The following KIDINS220 variants were observed in gnomAD, a reference collection of about 807,000 sequenced individuals.
KIDINS220 encodes kinase D interacting substrate 220.
Under a neutral mutation model 157.6 loss-of-function variants are expected in KIDINS220, and 63 were observed. The observed-to-expected ratio is 0.40, with a 90% CI of 0.33 to 0.49. The LOEUF (loss-of-function observed/expected upper bound fraction) is 0.49. Among genes scored for constraint, KIDINS220 ranks in the 20% least tolerant of loss-of-function variants. The probability of loss-of-function intolerance (pLI) is 0.66; values close to 1 mark genes in which losing one functional copy is unlikely to be tolerated. For synonymous variants in KIDINS220, 732 were observed against 783.6 expected (o/e 0.93, Z 1.10); for missense variants, 1,772 against 2,171.2 (o/e 0.82, Z 3.65).
At position 8,729,942 on chromosome 2, in the gene KIDINS220, AAG is replaced by A. The variant is rs1663798816; in HGVS notation, c.*776_*777del. 1.0e-6 allele frequency: 1 copy of A among 985,252 alleles called. No homozygotes were observed. The highest frequency in any genetic ancestry group is 6.2e-5 in the Admixed American group (1 of 16,260). 61.0% of individuals were successfully genotyped at this position (985,252 alleles called of 1,614,324 possible). ...CTTAGAAAAGTTGGGCACCATTTAA[AAG>A]AGTTGGAGAACAGACCAGGGTGGCT... On this transcript the variant is annotated 3_prime_UTR_variant, in exon 30 of 30. Transcript: ENST00000256707.
At chr2:8,727,057 G>A, downstream of KIDINS220, 1 of 985,978 alleles carries the variant, frequency 1.0e-6, no homozygotes, top group Non-Finnish European at 1.4e-6. Context: ...TCCAGTGCTG[G>A]CTGTTGTCTA....
In KIDINS220 at chr2:8,795,242, G is replaced by A. The variant is rs574378999; in HGVS notation, c.1099-1255C>T. 2.5e-4 allele frequency among the ~76,000 whole-genome samples: 38 copies of A among 152,230 alleles called. 1 individual carries two copies. The highest frequency in any genetic ancestry group is 2.2e-3 in the Admixed American group (33 of 15,290). ...GATTTCCCAATGTCTACTGGCCACA[G>A]GCTCCTGAATGTCTTATCAGCCCTC... On this transcript the variant is annotated intron_variant, in intron 11 of 29. Transcript: ENST00000256707.
chr2:8,742,832 A>C (rs1482329235), intron 26 of KIDINS220, among the ~76,000 whole-genome samples: 1 of 111,718 alleles, frequency 9.0e-6, no homozygotes, highest in African/African-American at 2.5e-5. Context: ...CGCTGATCAC[A>C]CAAGCATCGG....
rs1186468328 is a variant in KIDINS220 at position 8,729,888 on chromosome 2, GT to G, written c.*831del. The G allele has an allele frequency of 9.2e-6, 9 of 973,862 alleles. No individual in the cohort carries two copies. Among genetic ancestry groups the G allele is most frequent in the East Asian group, 1.1e-4 (1 of 8,754 alleles). The allele number at this position is 973,862 out of a possible 1,614,324, so 60.3% of individuals were successfully genotyped here. ...CTGATTTTCCAGAAAAAGAATTCAT[GT>G]TTTTTTTTCTTCTCATTGCTAAGCT... On this transcript the variant is annotated 3_prime_UTR_variant, in exon 30 of 30. Coordinates refer to ENST00000256707, the MANE Select transcript of KIDINS220 (RefSeq NM_020738.4).
chr2:8,806,282 G>T lies in KIDINS220; in HGVS notation c.592C>A (p.Gln198Lys). ...HLLAMGADVDQEGANSMTALI... is the reference protein window; with the variant it reads ...HLLAMGADVDKEGANSMTALI... ...TATAAGATACTTACAGCTCCTTCTT[G>T]ATCCACATCAGCTCCCATGGCCAAT... The change falls in exon 7 of 30, where the codon CAA becomes AAA. Residue 198 changes from glutamine to lysine, a missense_variant. Around this residue, in one of 3 missense-constraint regions of KIDINS220, gnomAD observed 254 missense variants for 268.6 expected, o/e 0.95. Coordinates refer to ENST00000256707, the MANE Select transcript of KIDINS220 (RefSeq NM_020738.4). The T allele has an allele frequency of 1.2e-6, 2 of 1,602,434 alleles. No individual in the cohort carries two copies. The highest frequency in any genetic ancestry group is 1.7e-6 in the Non-Finnish European group (2 of 1,174,426).
chr2:8,783,211 G>C (rs74171466), intron 17 of KIDINS220, among the ~76,000 whole-genome samples: 1 of 130,466 alleles, frequency 7.7e-6, no homozygotes, highest in African/African-American at 2.6e-5. Flanking sequence ...AAAAAAAAAA[G>C]AAACAGGCTA....
At chr2:8,779,887 G>A (rs1024815714) in intron 17 of KIDINS220, 73 bp from the exon 18 acceptor site, 16 of 1,480,546 alleles carry the variant, frequency 1.1e-5, no homozygotes, top group East Asian at 4.6e-5. Flanking sequence ...CTTAGAAAGC[G>A]TGATAGAAAG....
intron 2 of KIDINS220, 134 bp downstream of exon 2, chr2:8,826,852 G>A (rs922537026): frequency 4.9e-6 from 2 of 411,428 alleles, no homozygotes; most frequent in Non-Finnish European, 8.7e-6. Context: ...TTAACTATAA[G>A]ACATTCTATC....
At chr2:8,725,531 T>C (rs1356359855), downstream of KIDINS220, 1 of 152,156 alleles carries the variant, frequency 6.6e-6, no homozygotes, top group African/African-American at 2.4e-5. Context: ...TACTGAGTAG[T>C]AGGTAGGCCG....
chr2:8,721,353 C>T (rs967133953), downstream of KIDINS220: 2 of 152,064 alleles, frequency 1.3e-5, no homozygotes, highest in East Asian at 1.9e-4. Flanking sequence ...AGTTTAAGGC[C>T]GTGGTCTAAT....
chr2:8,740,409 C>T (rs1032049333), intron 26 of KIDINS220, among the ~76,000 whole-genome samples: 3 of 151,968 alleles, frequency 2.0e-5, no homozygotes, highest in African/African-American at 7.3e-5. Context: ...GGTCATCTTA[C>T]AATTATACTC....
chr2:8,736,877 C>T lies in KIDINS220; in HGVS notation c.3708G>A (p.Thr1236=), dbSNP rs766058477. The change falls in exon 27 of 30, where the codon ACG becomes ACA. Residue 1236 remains threonine, a synonymous_variant. Coordinates refer to ENST00000256707, the MANE Select transcript of KIDINS220 (RefSeq NM_020738.4). The stretch of plus-strand genomic sequence containing the variant: ...TAAGTGGCTGCCTCACCTTTTTGAT[C>T]GTGGTACAATACTGAGGCAGCATAC... The part of the protein sequence containing the change: ...DQSMLPQYCT[T]IKKANINGRV... The T allele has an allele frequency of 1.7e-5, 27 of 1,613,824 alleles. No individual in the cohort carries two copies. The highest frequency in any genetic ancestry group is 1.6e-4 in the Middle Eastern group (1 of 6,080).
intron 26 of KIDINS220, among the ~76,000 whole-genome samples, chr2:8,743,306 T>C (rs1665885097): frequency 6.6e-6 from 1 of 152,192 alleles, no homozygotes; most frequent in Admixed American, 6.5e-5. Flanking sequence ...ATTGGAGTAT[T>C]TGTACACCAC....
chr2:8,732,782 A>G (rs879640920), intron 29 of KIDINS220, among the ~76,000 whole-genome samples: 3 of 151,940 alleles, frequency 2.0e-5, no homozygotes, highest in Non-Finnish European at 4.4e-5. Context: ...TGCCCTGCCC[A>G]CTCAGTGTTA....
intron 4 of KIDINS220, among the ~76,000 whole-genome samples, chr2:8,814,678 T>C (rs1000464923): frequency 6.6e-6 from 1 of 152,172 alleles, no homozygotes; most frequent in Admixed American, 6.5e-5. Context: ...AAAGTTTTAG[T>C]CAGAATAAAG....
chr2:8,744,391 ATATATATATAATATATATAT>A (rs1666215017), intron 26 of KIDINS220, among the ~76,000 whole-genome samples: 2 of 27,296 alleles, frequency 7.3e-5, no homozygotes, highest in African/African-American at 1.8e-4. Context: ...AAAAAAAAAT[ATATATATATAATATATATAT>A]ATATATATAT....
At chr2:8,752,389 G>A (rs1667485765) in intron 22 of KIDINS220, among the ~76,000 whole-genome samples, 1 of 152,142 alleles carries the variant, frequency 6.6e-6, no homozygotes. Flanking sequence ...AGGTAACAAT[G>A]AGTACGGCCA....
intron 27 of KIDINS220, among the ~76,000 whole-genome samples, chr2:8,735,955 A>G (rs1390930433): frequency 6.6e-6 from 1 of 152,190 alleles, no homozygotes; most frequent in East Asian, 1.9e-4. Context: ...TCCTGACACC[A>G]ACCAGCTGCC....
downstream of KIDINS220, chr2:8,722,670 T>C (rs540439086): frequency 4.6e-5 from 7 of 152,344 alleles, no homozygotes; most frequent in East Asian, 1.3e-3. Flanking sequence ...GGTTTGATGA[T>C]CTGAGAGTCC....
Sources: gnomAD v4.1 joint callset for allele counts (sites outside exome capture counted in the v4.1 genomes callset) on GRCh38, gnomAD v4.1.1 for gene constraint, gnomAD v4.1.1 regional missense constraint, MANE v1.5 for transcripts, NCBI Gene and HGNC (gene_info 2026-07-23, HGNC 2026-07-21) for gene names.